The following XKR6 variants were observed in gnomAD, a reference collection of about 807,000 sequenced individuals.
XKR6 encodes the protein XK-related protein 6.
XKR6 carries 22 observed loss-of-function variants against 56.7 expected under a neutral mutation model. That is an observed-to-expected ratio of 0.39 (90% confidence interval 0.28 to 0.55). The LOEUF is 0.55. Ranked by LOEUF, XKR6 falls within the 20% of genes least tolerant of loss-of-function variation. The probability of loss-of-function intolerance (pLI) is 0.66; values close to 1 mark genes in which losing one functional copy is unlikely to be tolerated. For missense variants in XKR6, 852 were observed against 889.0 expected, an observed-to-expected ratio of 0.96 and a Z score of 0.53; for synonymous variants, 524 against 387.8, an observed-to-expected ratio of 1.35 and a Z score of -4.13.
intron 1 of XKR6, among the ~76,000 whole-genome samples, chr8:11,116,685 C>A (rs1382267004): frequency 6.6e-6 from 1 of 152,158 alleles, no homozygotes; most frequent in Non-Finnish European, 1.5e-5. Context: ...TGCTACCATT[C>A]GTTGGCAAGA....
At chr8:11,181,371 T>A (rs1294413700) in intron 1 of XKR6, among the ~76,000 whole-genome samples, 3 of 152,248 alleles carry the variant, frequency 2.0e-5, no homozygotes, top group Non-Finnish European at 2.9e-5. Flanking sequence ...GTATTTCAGA[T>A]GACATGCTTG....
chr8:11,135,124 C>A (rs1333370803), intron 1 of XKR6, among the ~76,000 whole-genome samples: 1 of 151,818 alleles, frequency 6.6e-6, no homozygotes, highest in Non-Finnish European at 1.5e-5. Flanking sequence ...GCTCCGCCTC[C>A]CGGGTTCACG....
intron 1 of XKR6, among the ~76,000 whole-genome samples, chr8:10,944,820 C>G (rs530281518): frequency 6.6e-5 from 10 of 152,322 alleles, no homozygotes; most frequent in Non-Finnish European, 1.3e-4. Flanking sequence ...CACATGAAAT[C>G]AGAGCTATTT....
intron 1 of XKR6, among the ~76,000 whole-genome samples, chr8:11,094,357 G>A (rs1798201291): frequency 6.6e-6 from 1 of 151,930 alleles, no homozygotes; most frequent in South Asian, 2.1e-4. Context: ...CCCAGCTAAT[G>A]TTTTGTATTT....
chr8:11,066,034 T>C (rs561189734), intron 1 of XKR6, among the ~76,000 whole-genome samples: 2 of 152,384 alleles, frequency 1.3e-5, no homozygotes, highest in African/African-American at 4.8e-5. Context: ...CCCTGCCATC[T>C]TGAAGCCCCG....
intron 1 of XKR6, among the ~76,000 whole-genome samples, chr8:11,095,602 G>C (rs1456856675): frequency 6.6e-6 from 1 of 152,126 alleles, no homozygotes; most frequent in Non-Finnish European, 1.5e-5. Flanking sequence ...TACTGACTGT[G>C]ACAAAACGCA....
At chr8:11,032,480 A>G (rs1031828727) in intron 1 of XKR6, among the ~76,000 whole-genome samples, 1 of 152,162 alleles carries the variant, frequency 6.6e-6, no homozygotes, top group African/African-American at 2.4e-5. Context: ...TAGATTAGGG[A>G]GGAAGAGGTT....
chr8:11,143,790 T>TGA (rs1471865590), intron 1 of XKR6, among the ~76,000 whole-genome samples: 2 of 152,212 alleles, frequency 1.3e-5, no homozygotes, highest in African/African-American at 4.8e-5. Context: ...GCTAAGCTAC[T>TGA]TCATTCGACT....
intron 1 of XKR6, among the ~76,000 whole-genome samples, chr8:11,053,128 C>G (rs577065877): frequency 1.3e-5 from 2 of 152,218 alleles, no homozygotes; most frequent in Non-Finnish European, 2.9e-5. Context: ...TTCTGAGCCC[C>G]GCAGACACTG....
chr8:10,945,498 A>C (rs1323084265), intron 1 of XKR6, among the ~76,000 whole-genome samples: 1 of 152,164 alleles, frequency 6.6e-6, no homozygotes, highest in Non-Finnish European at 1.5e-5. Context: ...TAAATAAATA[A>C]AAATGAAAAG....
chr8:10,980,129 G>C (rs1237795052), intron 1 of XKR6, among the ~76,000 whole-genome samples: 2 of 152,212 alleles, frequency 1.3e-5, no homozygotes, highest in Admixed American at 6.5e-5. Context: ...TGGCCTCAGA[G>C]GGAGCTTCAA....
At chr8:11,108,090 G>C (rs774075001) in intron 1 of XKR6, 1 of 333,526 alleles carries the variant, frequency 3.0e-6, no homozygotes. Context: ...GAGAATCCCA[G>C]ATCCGAAAAC....
At chr8:10,951,046 T>C (rs766373050) in intron 1 of XKR6, among the ~76,000 whole-genome samples, 1 of 152,132 alleles carries the variant, frequency 6.6e-6, no homozygotes, top group Non-Finnish European at 1.5e-5. Context: ...TCCTGTGCTT[T>C]CCAAATTGTC....
intron 1 of XKR6, among the ~76,000 whole-genome samples, chr8:11,178,718 T>C (rs927385049): frequency 2.0e-5 from 3 of 149,032 alleles, no homozygotes; most frequent in African/African-American, 7.4e-5. Context: ...GGAGGAAAGA[T>C]TGGATCAAAC....
chr8:10,999,000 T>C lies in XKR6; in HGVS notation c.765-74170A>G, dbSNP rs189089955. 6.6e-5 allele frequency among the ~76,000 whole-genome samples: 10 copies of C among 152,334 alleles called. No individual in the cohort carries two copies. In the East Asian group the frequency reaches 1.9e-3, roughly 29 times the overall value. On this transcript the variant is annotated intron_variant, in intron 1 of 2. Coordinates refer to ENST00000416569, the MANE Select transcript of XKR6 (RefSeq NM_173683.4). Reference sequence around the variant, plus strand: ...CATCAGGAAAACCTAGCTCCAGTGATTGTTCTGAGGGTCAACATAAAGGAC... The same window carrying C: ...CATCAGGAAAACCTAGCTCCAGTGACTGTTCTGAGGGTCAACATAAAGGAC...
At chr8:11,177,541 G>A (rs939712841) in intron 1 of XKR6, among the ~76,000 whole-genome samples, 1 of 152,228 alleles carries the variant, frequency 6.6e-6, no homozygotes, top group African/African-American at 2.4e-5. Flanking sequence ...TAGGGTCACT[G>A]TAGATGTAGT....
intron 1 of XKR6, among the ~76,000 whole-genome samples, chr8:11,198,778 C>G (rs528925559): frequency 6.6e-6 from 1 of 152,110 alleles, no homozygotes; most frequent in Non-Finnish European, 1.5e-5. Context: ...GCCCACACTT[C>G]GGCTTGTTCA....
At chr8:11,176,889 G>A (rs1802685346) in intron 1 of XKR6, among the ~76,000 whole-genome samples, 1 of 152,228 alleles carries the variant, frequency 6.6e-6, no homozygotes, top group Admixed American at 6.5e-5. Context: ...TGCCACCAGA[G>A]CAACAGAATC....
intron 2 of XKR6, among the ~76,000 whole-genome samples, chr8:10,900,985 C>T (rs771036777): frequency 4.0e-5 from 6 of 150,814 alleles, no homozygotes; most frequent in African/African-American, 9.8e-5. Context: ...TACATGGGAC[C>T]GCAGGCATGC....
Sources: allele counts gnomAD v4.1 joint callset (sites outside exome capture counted in the v4.1 genomes callset), GRCh38; gene constraint gnomAD v4.1.1; transcripts MANE v1.5; gene names NCBI Gene and HGNC (gene_info 2026-07-23, HGNC 2026-07-21).